Variants in CD226 observed in about 807,000 individuals in gnomAD.
The protein encoded by CD226 is CD226 antigen.
A neutral mutation model predicts 34.9 loss-of-function variants in CD226; 24 were observed. The observed-to-expected ratio is 0.69, with a 90% CI of 0.50 to 0.97. The LOEUF (loss-of-function observed/expected upper bound fraction) is 0.97, where lower values mean the gene tolerates loss of function less well. Ranked by LOEUF, CD226 falls within the 50% of genes least tolerant of loss-of-function variation. The probability of loss-of-function intolerance (pLI) is 0.00; values close to 1 mark genes in which losing one functional copy is unlikely to be tolerated. For synonymous variants in CD226, 148 were observed against 147.4 expected (o/e 1.00, Z -0.03); for missense variants, 397 against 412.7 (o/e 0.96, Z 0.33).
intron 2 of CD226, among the ~76,000 whole-genome samples, chr18:69,933,741 G>A (rs1196256788): frequency 6.6e-6 from 1 of 152,112 alleles, no homozygotes; most frequent in Non-Finnish European, 1.5e-5. Flanking sequence ...GCAACAACAA[G>A]GTTTAGCCAT....
At chr18:69,865,241 C>T (rs1164426224) in intron 5 of CD226, among the ~76,000 whole-genome samples, 1 of 152,160 alleles carries the variant, frequency 6.6e-6, no homozygotes, top group Non-Finnish European at 1.5e-5. Flanking sequence ...CCGCCCACCT[C>T]AGCCTCCCAA....
upstream of CD226, among the ~76,000 whole-genome samples, chr18:69,958,998 A>G (rs974196911): frequency 6.6e-6 from 1 of 152,170 alleles, no homozygotes; most frequent in Non-Finnish European, 1.5e-5. Flanking sequence ...CTCTCGAAAT[A>G]TGGTAATAAA....
In CD226 at chr18:69,853,375, C is replaced by T. The variant is rs1982527766; in HGVS notation, c.*10939G>A. On this transcript the variant is annotated 3_prime_UTR_variant, in exon 6 of 6. Transcript: ENST00000582621. ...ATAAAAGGCCTCAGGACGTATAGACCTTCTGCCCTCTGTTGTGTTCATCTT... is the reference window on the plus strand; with the variant it reads ...ATAAAAGGCCTCAGGACGTATAGACTTTCTGCCCTCTGTTGTGTTCATCTT... The T allele has an allele frequency of 6.6e-6, 1 of 152,124 alleles. No homozygotes were observed. Among genetic ancestry groups the T allele is most frequent in the South Asian group, 2.1e-4 (1 of 4,820 alleles). The allele number at this position is 152,124 out of a possible 1,614,324, so 9.4% of individuals were successfully genotyped here. A position where few individuals can be genotyped will look rare whatever the true frequency, so the allele number is the denominator to read the frequency against.
At chr18:69,871,117 T>G (rs1220052456) in intron 4 of CD226, among the ~76,000 whole-genome samples, 2 of 152,238 alleles carry the variant, frequency 1.3e-5, no homozygotes, top group African/African-American at 2.4e-5. Context: ...AAATCTATCA[T>G]GTCCAACATC....
rs972753300 is a variant in CD226, at chr18:69,855,917, C to T, written c.*8397G>A. On this transcript the variant is annotated 3_prime_UTR_variant, in exon 6 of 6. Transcript: ENST00000582621. ...AGAGGTGACAGATATCACGATTACC[C>T]AATATGATCATTACATATTGTATAC... The T allele has an allele frequency of 6.6e-6, 1 of 151,992 alleles. No individual in the cohort carries two copies. The highest frequency in any genetic ancestry group is 2.4e-5 in the African/African-American group (1 of 41,388). The allele number at this position is 151,992 out of a possible 1,614,324, so 9.4% of individuals were successfully genotyped here. A position where few individuals can be genotyped will look rare whatever the true frequency, so the allele number is the denominator to read the frequency against.
Position 69,946,694 on chromosome 18 carries a change from G to A in CD226, c.382+40C>T, listed in dbSNP as rs748250464. On this transcript the variant is annotated intron_variant, in intron 2 of 5. Coordinates refer to ENST00000582621, the MANE Select transcript of CD226 (RefSeq NM_001303618.2). ...TTTATAGAAATAAATGTTGTAAGTG[G>A]ATAAAAAGGGATTTAAAAAAAAAAA... The A allele has an allele frequency of 4.6e-6, 6 of 1,317,232 alleles. No individual in the cohort carries two copies. In the African/African-American group the frequency reaches 7.5e-5, roughly 17 times the overall value. 81.6% of individuals were successfully genotyped at this position (1,317,232 alleles called of 1,614,324 possible). A position where few individuals can be genotyped will look rare whatever the true frequency, so the allele number is the denominator to read the frequency against.
chr18:69,871,357 TG>T (rs1373277207), intron 4 of CD226, among the ~76,000 whole-genome samples: 2 of 152,254 alleles, frequency 1.3e-5, no homozygotes, highest in African/African-American at 2.4e-5. Flanking sequence ...TGAAATGACC[TG>T]ACCTCCTGTT....
upstream of CD226, among the ~76,000 whole-genome samples, chr18:69,951,798 G>T (rs1052444807): frequency 1.3e-5 from 2 of 152,138 alleles, no homozygotes; most frequent in African/African-American, 4.8e-5. Context: ...GGATGTGGAG[G>T]AAAGAGAACA....
At chr18:69,946,460 G>A (rs1000048186) in intron 2 of CD226, among the ~76,000 whole-genome samples, 1 of 152,086 alleles carries the variant, frequency 6.6e-6, no homozygotes, top group East Asian at 1.9e-4. Context: ...TCAAGGCTCA[G>A]GTTATCATTA....
chr18:69,959,810 C>T (rs1035934137), upstream of CD226, among the ~76,000 whole-genome samples: 3 of 152,162 alleles, frequency 2.0e-5, no homozygotes, highest in African/African-American at 4.8e-5. Context: ...CGTAATCTTG[C>T]TAAATATGGC....
chr18:69,922,697 C>T (rs746331302), intron 2 of CD226, among the ~76,000 whole-genome samples: 5 of 152,128 alleles, frequency 3.3e-5, no homozygotes, highest in Non-Finnish European at 5.9e-5. Context: ...AGAAACAGAC[C>T]AGGCCATTGT....
At chr18:69,925,961 G>A (rs966778831) in intron 2 of CD226, among the ~76,000 whole-genome samples, 1 of 152,062 alleles carries the variant, frequency 6.6e-6, no homozygotes, top group African/African-American at 2.4e-5. Context: ...TGGCCAATAT[G>A]GTGATACCCC....
At chr18:69,927,354 C>T (rs897024324) in intron 2 of CD226, among the ~76,000 whole-genome samples, 1 of 128,244 alleles carries the variant, frequency 7.8e-6, no homozygotes, top group African/African-American at 2.9e-5. Flanking sequence ...CCTGAACAGA[C>T]TAAGACACTA....
At chr18:69,955,196 G>A (rs998823345) in intron 1 of CD226, among the ~76,000 whole-genome samples, 1 of 152,112 alleles carries the variant, frequency 6.6e-6, no homozygotes, top group African/African-American at 2.4e-5. Context: ...AACCTTCCCT[G>A]TCACCTCAGT....
chr18:69,907,668 A>T (rs978169022), intron 2 of CD226, among the ~76,000 whole-genome samples: 1 of 152,166 alleles, frequency 6.6e-6, no homozygotes, highest in African/African-American at 2.4e-5. Context: ...ATAGAAGCAG[A>T]GGGTAGGATG....
intron 2 of CD226, among the ~76,000 whole-genome samples, chr18:69,900,589 G>T (rs190709114): frequency 1.3e-5 from 2 of 149,922 alleles, no homozygotes; most frequent in Admixed American, 6.6e-5. Context: ...AAAATTAGCC[G>T]GGCGCGGTGG....
rs761549859 is a variant in CD226 at position 69,895,970 on chromosome 18, T to C, written c.458A>G (p.Gln153Arg). 2 of 1,613,986 alleles carry C rather than the reference T, an allele frequency of 1.2e-6. No homozygotes were observed. The highest frequency in any genetic ancestry group is 1.3e-5 in the African/African-American group (1 of 74,938). The change falls in exon 3 of 6, where the codon CAG becomes CGG. Residue 153 changes from glutamine to arginine, a missense_variant. Physicochemically the swap from Gln to Arg is conservative, Grantham distance 43. Coordinates refer to ENST00000582621, the MANE Select transcript of CD226 (RefSeq NM_001303618.2). ...CTGCACAGGCCACGTCATCTGAGGCTGACAAGTGAGTGTGACATTCTTTCC... is the reference window on the plus strand; with the variant it reads ...CTGCACAGGCCACGTCATCTGAGGCCGACAAGTGAGTGTGACATTCTTTCC... ...EPGKNVTLTC[Q>R]PQMTWPVQAV...
intron 2 of CD226, among the ~76,000 whole-genome samples, chr18:69,927,459 C>T (rs932234988): frequency 2.6e-5 from 4 of 152,054 alleles, no homozygotes; most frequent in African/African-American, 9.7e-5. Context: ...TAAGTATATT[C>T]ACATTGTTGT....
chr18:69,904,026 C>G lies in CD226; in HGVS notation c.383-7981G>C, dbSNP rs572138928. 2.6e-5 allele frequency among the ~76,000 whole-genome samples: 4 copies of G among 152,196 alleles called. No individual in the cohort carries two copies. The South Asian group carries it at 8.3e-4, about 32-fold the overall frequency. Reference sequence around the variant, plus strand: ...TCACAACACTGCTTCCCACACGTTGCCATTTTCTGTCTTTCATCTAAAGTG... The same window carrying G: ...TCACAACACTGCTTCCCACACGTTGGCATTTTCTGTCTTTCATCTAAAGTG... On this transcript the variant is annotated intron_variant, in intron 2 of 5. Coordinates refer to ENST00000582621, the MANE Select transcript of CD226 (RefSeq NM_001303618.2).
Sources: gnomAD v4.1 joint callset for allele counts (sites outside exome capture counted in the v4.1 genomes callset) on GRCh38, gnomAD v4.1.1 for gene constraint, MANE v1.5 for transcripts, NCBI Gene and HGNC (gene_info 2026-07-23, HGNC 2026-07-21) for gene names.